Variants in IFT43 observed in about 807,000 individuals in gnomAD.
IFT43 encodes the protein intraflagellar transport 43, also known as intraflagellar transport protein 43 homolog.
In IFT43, 33 loss-of-function variants were observed where a neutral mutation model predicts 32.3. The observed-to-expected ratio is 1.02, with a 90% CI of 0.77 to 1.37. The LOEUF is 1.37. Among genes scored for constraint, IFT43 ranks in the 40% most tolerant of loss-of-function variants. The probability of loss-of-function intolerance (pLI) is 0.00; values close to 1 mark genes in which losing one functional copy is unlikely to be tolerated. For synonymous variants in IFT43, 93 were observed against 98.2 expected, an observed-to-expected ratio of 0.95 and a Z score of 0.31; for missense variants, 274 against 265.9, an observed-to-expected ratio of 1.03 and a Z score of -0.21.
chr14:76,019,145 A>T (rs1481518944), intron 2 of IFT43, among the ~76,000 whole-genome samples: 1 of 151,618 alleles, frequency 6.6e-6, no homozygotes, highest in African/African-American at 2.4e-5. Flanking sequence ...TAATGTTTGA[A>T]TTCTTTCTCT....
intron 3 of IFT43, among the ~76,000 whole-genome samples, chr14:76,025,342 A>G (rs534457859): frequency 1.3e-5 from 2 of 152,190 alleles, no homozygotes; most frequent in Admixed American, 6.5e-5. Flanking sequence ...ATTCATGAAG[A>G]CTCAATATTG....
At chr14:76,015,171 A>G (rs962183199) in intron 2 of IFT43, among the ~76,000 whole-genome samples, 1 of 152,210 alleles carries the variant, frequency 6.6e-6, no homozygotes, top group Admixed American at 6.5e-5. Context: ...TCTCATCCAG[A>G]CAGGGTATTT....
intron 3 of IFT43, among the ~76,000 whole-genome samples, chr14:76,040,286 A>G (rs1040256204): frequency 6.6e-6 from 1 of 152,202 alleles, no homozygotes; most frequent in Non-Finnish European, 1.5e-5. Context: ...GAGTACTCCA[A>G]AATTTCCTGT....
chr14:76,053,978 T>A (rs376715931), intron 3 of IFT43, among the ~76,000 whole-genome samples: 92 of 152,250 alleles, frequency 6.0e-4, no homozygotes, highest in African/African-American at 1.9e-3. Flanking sequence ...CCTCCTCTCA[T>A]CCTTTAGGTC....
intron 1 of IFT43, among the ~76,000 whole-genome samples, chr14:75,988,194 C>G (rs1370299649): frequency 6.6e-6 from 1 of 151,946 alleles, no homozygotes; most frequent in African/African-American, 2.4e-5. Flanking sequence ...CTGGGCAGCA[C>G]AGGGGGACCC....
At chr14:76,000,888 A>G (rs2035872192) in intron 2 of IFT43, among the ~76,000 whole-genome samples, 1 of 152,346 alleles carries the variant, frequency 6.6e-6, no homozygotes, top group South Asian at 2.1e-4. Context: ...AATTATTTCA[A>G]TTTGGGACAT....
In IFT43 at chr14:76,067,421, T is replaced by TA. The variant is rs570302648; in HGVS notation, c.295+8048_295+8049insA. ...TCTCTACTAAAAATTAAAAAAAAAA[T>TA]TAGTCGTGTGTGGTGGTGCACGCCT... On this transcript the variant is annotated intron_variant, in intron 5 of 8. Transcript: ENST00000314067. Among the ~76,000 whole-genome samples, 180 of 151,798 alleles carry TA rather than the reference T, an allele frequency of 1.2e-3. 5 individuals are homozygous for TA. The South Asian group carries it at 0.036, about 30-fold the overall frequency.
chr14:76,043,772 C>A (rs1339773847), intron 3 of IFT43, among the ~76,000 whole-genome samples: 1 of 152,216 alleles, frequency 6.6e-6, no homozygotes, highest in Non-Finnish European at 1.5e-5. Context: ...GCTGGCTGTT[C>A]TACAGTTTTA....
intron 5 of IFT43, among the ~76,000 whole-genome samples, chr14:76,060,748 T>C (rs2037115990): frequency 6.6e-6 from 1 of 152,124 alleles, no homozygotes; most frequent in African/African-American, 2.4e-5. Context: ...CTGACAATTT[T>C]TTTCTTTTAG....
At chr14:76,062,322 AG>A (rs2037151975) in intron 5 of IFT43, among the ~76,000 whole-genome samples, 1 of 151,908 alleles carries the variant, frequency 6.6e-6, no homozygotes, top group South Asian at 2.1e-4. Flanking sequence ...CGCCTGCCTC[AG>A]CCTCCCAAAG....
intron 5 of IFT43, among the ~76,000 whole-genome samples, chr14:76,078,259 C>T (rs2037445716): frequency 6.6e-6 from 1 of 152,138 alleles, no homozygotes; most frequent in Admixed American, 6.5e-5. Flanking sequence ...CATTTTAAAC[C>T]TTTCTATAGC....
At chr14:76,001,620 C>T (rs2035886963) in intron 2 of IFT43, among the ~76,000 whole-genome samples, 1 of 152,224 alleles carries the variant, frequency 6.6e-6, no homozygotes, top group Non-Finnish European at 1.5e-5. Context: ...ACAGTGGAAG[C>T]AGGTAGTTGG....
At chr14:75,987,704 C>G (rs552335509) in intron 1 of IFT43, among the ~76,000 whole-genome samples, 32 of 152,004 alleles carry the variant, frequency 2.1e-4, no homozygotes, top group South Asian at 4.2e-4. Flanking sequence ...ATTTCAGCAC[C>G]CAAGAGTCTG....
At chr14:76,083,834 G>A (rs562754212), downstream of IFT43, 42 of 625,508 alleles carry the variant, frequency 6.7e-5, no homozygotes, top group South Asian at 1.7e-4. Flanking sequence ...CTCAGAACTC[G>A]CGGCCTTGTT....
chr14:76,047,534 A>C (rs1323957782), intron 3 of IFT43, among the ~76,000 whole-genome samples: 1 of 152,238 alleles, frequency 6.6e-6, no homozygotes, highest in Non-Finnish European at 1.5e-5. Flanking sequence ...ATTTCTGTGG[A>C]AAGTTGTAGC....
intron 3 of IFT43, among the ~76,000 whole-genome samples, chr14:76,052,734 G>A (rs961336166): frequency 1.3e-5 from 2 of 152,234 alleles, no homozygotes; most frequent in Non-Finnish European, 2.9e-5. Context: ...AATATGGAGA[G>A]AAAGGTGACT....
intron 3 of IFT43, among the ~76,000 whole-genome samples, chr14:76,023,425 C>T (rs758323107): frequency 4.7e-4 from 72 of 152,264 alleles, no homozygotes; most frequent in Non-Finnish European, 9.6e-4. Context: ...TCTCAGAGAC[C>T]CCAAGCAAGT....
chr14:76,062,411 A>G (rs1397350390), intron 5 of IFT43, among the ~76,000 whole-genome samples: 1 of 151,950 alleles, frequency 6.6e-6, no homozygotes, highest in African/African-American at 2.4e-5. Context: ...TTTTGATTGG[A>G]TGCTGGACAT....
At chr14:76,049,757 T>G (rs2036878525) in intron 3 of IFT43, among the ~76,000 whole-genome samples, 1 of 152,118 alleles carries the variant, frequency 6.6e-6, no homozygotes, top group African/African-American at 2.4e-5. Flanking sequence ...GTGCTGCTTT[T>G]GTACTGCAGG....
Sources: allele counts gnomAD v4.1 joint callset (sites outside exome capture counted in the v4.1 genomes callset), GRCh38; gene constraint gnomAD v4.1.1; transcripts MANE v1.5; gene names NCBI Gene and HGNC (gene_info 2026-07-23, HGNC 2026-07-21).